SCRN1: variants seen among roughly 807,000 people sequenced by gnomAD.
The protein encoded by SCRN1 is secernin 1, also known as secernin-1.
SCRN1 carries 19 observed loss-of-function variants against 43.3 expected under a neutral mutation model. The observed-to-expected ratio is 0.44, with a 90% CI of 0.31 to 0.64. SCRN1 has a LOEUF of 0.64. Ranked by LOEUF, SCRN1 falls within the 30% of genes least tolerant of loss-of-function variation. The pLI is 0.09. For synonymous variants in SCRN1, 183 were observed against 188.9 expected (o/e 0.97, Z 0.26); for missense variants, 447 against 524.1 (o/e 0.85, Z 1.44).
chr7:29,936,810 G>T, intron 5 of SCRN1, 89 bp from the exon 6 acceptor site: 1 of 1,069,494 alleles, frequency 9.4e-7, no homozygotes, highest in Non-Finnish European at 1.3e-6. Context: ...ACTTTGGGAG[G>T]CCGAGGCGGG....
rs913126344 is a variant in SCRN1 at position 29,947,120 on chromosome 7, A to G, written c.342-2941T>C. 9 of 1,478,714 alleles carry G rather than the reference A, an allele frequency of 6.1e-6. No homozygotes were observed. In the African/African-American group the frequency reaches 1.3e-4, roughly 21 times the overall value. The allele number at this position is 1,478,714 out of a possible 1,614,324, so 91.6% of individuals were successfully genotyped here. A position where few individuals can be genotyped will look rare whatever the true frequency, so the allele number is the denominator to read the frequency against. ...GGAAGAAACTCAATGGGCCAAGGTT[A>G]GAGTTCCACTGTAACATCTATCTTC... On this transcript the variant is annotated intron_variant, in intron 3 of 7. Transcript: ENST00000242059.
rs1441642297 is a variant in SCRN1, at chr7:29,950,740, C to A, written c.341+4439G>T. ...GGGCCTCCTTGACTCGTTGGGATGA[C>A]CTGCCTGCAGCAGAAGGGAGCTACC... On this transcript the variant is annotated intron_variant, in intron 3 of 7. Coordinates refer to ENST00000242059, the MANE Select transcript of SCRN1 (RefSeq NM_014766.5). The surrounding 1 kb of genome is among the most constrained non-coding windows in gnomAD (Gnocchi z 4.5). Among the ~76,000 whole-genome samples the A allele has an allele frequency of 6.6e-6, 1 of 152,208 alleles. No homozygotes were observed. The highest frequency in any genetic ancestry group is 1.5e-5 in the Non-Finnish European group (1 of 68,042).
In SCRN1 at chr7:29,920,908, T is replaced by C. The variant is rs1786734026; in HGVS notation, c.*3049A>G. 6.6e-6 allele frequency: 1 copy of C among 152,246 alleles called. No individual in the cohort carries two copies. Among genetic ancestry groups the C allele is most frequent in the African/African-American group, 2.4e-5 (1 of 41,438 alleles). 9.4% of individuals were successfully genotyped at this position (152,246 alleles called of 1,614,324 possible). ...AAAGACTCGTTCTAATAACACCAGG[T>C]CTTATATTATTGAGCACTAAGGAAC... On this transcript the variant is annotated 3_prime_UTR_variant, in exon 8 of 8. Transcript: ENST00000242059.
At chr7:29,937,451 C>G (rs1787377967) in intron 5 of SCRN1, among the ~76,000 whole-genome samples, 1 of 152,164 alleles carries the variant, frequency 6.6e-6, no homozygotes, top group Admixed American at 6.5e-5. Flanking sequence ...AAATAACCTA[C>G]TATTTTTTTT....
At chr7:29,943,556 A>C (rs749191838) in intron 4 of SCRN1, among the ~76,000 whole-genome samples, 5 of 152,022 alleles carry the variant, frequency 3.3e-5, no homozygotes, top group Admixed American at 6.6e-5. Flanking sequence ...ACAGATCTAA[A>C]CTCCTATTTT....
At position 29,974,266 on chromosome 7, in the gene SCRN1, A is replaced by C. The variant is rs1788743255; in HGVS notation, c.-1-5198T>G. Among the ~76,000 whole-genome samples, 2 of 152,246 alleles carry C rather than the reference A, an allele frequency of 1.3e-5. 1 individual carries two copies. Among genetic ancestry groups the C allele is most frequent in the South Asian group, 4.1e-4 (2 of 4,832 alleles). On this transcript the variant is annotated intron_variant, in intron 1 of 7. Transcript: ENST00000242059. ...CTGCATCTATATCCTAATACATCTGAAATTTCAAAAGTGGCAAATTCTTAT... is the reference window on the plus strand; with the variant it reads ...CTGCATCTATATCCTAATACATCTGCAATTTCAAAAGTGGCAAATTCTTAT...
chr7:29,936,146 T>C (rs1465518349), intron 6 of SCRN1, among the ~76,000 whole-genome samples: 1 of 152,220 alleles, frequency 6.6e-6, no homozygotes, highest in Non-Finnish European at 1.5e-5. Flanking sequence ...AGGAACTGGT[T>C]GTTTTGATAA....
intron 6 of SCRN1, among the ~76,000 whole-genome samples, chr7:29,936,193 T>C (rs2128088428): frequency 6.6e-6 from 1 of 152,364 alleles, no homozygotes; most frequent in East Asian, 1.9e-4. Context: ...TCTCGCTGTG[T>C]TTTGTTCATT....
upstream of SCRN1, chr7:29,989,891 G>A: frequency 9.5e-7 from 1 of 1,049,790 alleles, no homozygotes; most frequent in Non-Finnish European, 1.1e-6. Context: ...CCGGCCCCCG[G>A]GGCCCCGCCG....
At chr7:29,937,622 T>G (rs1363883284) in intron 5 of SCRN1, among the ~76,000 whole-genome samples, 1 of 152,152 alleles carries the variant, frequency 6.6e-6, no homozygotes, top group Non-Finnish European at 1.5e-5. Flanking sequence ...AATACTCTAT[T>G]TGGAGAATGT....
chr7:29,984,204 CAAAAA>C (rs55733700), intron 1 of SCRN1, among the ~76,000 whole-genome samples: 1 of 98,252 alleles, frequency 1.0e-5, no homozygotes, highest in Non-Finnish European at 2.0e-5. Context: ...AGACAGTCTC[CAAAAA>C]AAAAAAAAAA....
intron 1 of SCRN1, chr7:29,988,668 A>G (rs982530511): frequency 6.6e-6 from 1 of 152,488 alleles, no homozygotes; most frequent in Non-Finnish European, 1.5e-5. Context: ...ACACGCACGC[A>G]CCCACCCCAC....
At chr7:29,971,476 T>C (rs1323127420) in intron 1 of SCRN1, among the ~76,000 whole-genome samples, 1 of 151,746 alleles carries the variant, frequency 6.6e-6, no homozygotes, top group African/African-American at 2.4e-5. Context: ...CCACAAAAAA[T>C]ACAAAAACTA....
At chr7:29,969,858 C>T (rs1358364164) in intron 1 of SCRN1, 1 of 456,424 alleles carries the variant, frequency 2.2e-6, no homozygotes, top group South Asian at 1.5e-5. Context: ...AAGCTGATTT[C>T]ATCTTCTTCC....
chr7:29,924,162 A>C, intron 7 of SCRN1, 47 bp from the exon 8 acceptor site: 1 of 1,571,762 alleles, frequency 6.4e-7, no homozygotes, highest in Non-Finnish European at 8.6e-7. Flanking sequence ...ATAGCAGGGG[A>C]CATTGCAGCG....
chr7:29,970,268 C>A (rs970859041), intron 1 of SCRN1, among the ~76,000 whole-genome samples: 3 of 152,142 alleles, frequency 2.0e-5, no homozygotes, highest in African/African-American at 7.2e-5. Context: ...ACCACTCACC[C>A]CTCCACTCTC....
At chr7:29,953,732 G>C (rs760141232) in intron 3 of SCRN1, among the ~76,000 whole-genome samples, 12 of 152,204 alleles carry the variant, frequency 7.9e-5, no homozygotes, top group South Asian at 2.1e-4. Context: ...CTACCAAAAG[G>C]GTGTCCCTCG....
chr7:29,983,396 T>C (rs372794439), intron 1 of SCRN1, among the ~76,000 whole-genome samples: 2 of 151,784 alleles, frequency 1.3e-5, no homozygotes, highest in East Asian at 3.9e-4. Context: ...GGCACATGTA[T>C]ACATATGTAA....
intron 4 of SCRN1, among the ~76,000 whole-genome samples, chr7:29,942,368 T>C (rs1199458428): frequency 6.6e-6 from 1 of 152,212 alleles, no homozygotes; most frequent in Non-Finnish European, 1.5e-5. Context: ...GGGGTTCTTT[T>C]TTATTTAAAT....
Sources: allele counts gnomAD v4.1 joint callset (sites outside exome capture counted in the v4.1 genomes callset), GRCh38; gene constraint gnomAD v4.1.1; non-coding constraint Gnocchi (gnomAD v3.1); transcripts MANE v1.5; gene names NCBI Gene and HGNC (gene_info 2026-07-23, HGNC 2026-07-21).